Variants in PHF21B observed in about 807,000 individuals in gnomAD.
PHF21B encodes PHD finger protein 4.
Under a neutral mutation model 62.2 loss-of-function variants are expected in PHF21B, and 22 were observed. The ratio of observed to expected loss-of-function variants is 0.35; its 90% confidence interval spans 0.25 to 0.51. The LOEUF (loss-of-function observed/expected upper bound fraction) is 0.51. PHF21B is among the 20% of genes least tolerant of loss of function. The probability of loss-of-function intolerance (pLI) is 0.97; values close to 1 mark genes in which losing one functional copy is unlikely to be tolerated. For synonymous variants in PHF21B, 341 were observed against 314.7 expected (o/e 1.08, Z -0.88); for missense variants, 701 against 707.9 (o/e 0.99, Z 0.11).
intron 2 of PHF21B, among the ~76,000 whole-genome samples, chr22:44,944,938 T>C (rs1256047091): frequency 6.6e-6 from 1 of 152,266 alleles, no homozygotes; most frequent in Non-Finnish European, 1.5e-5. Context: ...GCCGCAGTCC[T>C]GAGCCTTCGT....
intron 2 of PHF21B, among the ~76,000 whole-genome samples, chr22:44,983,604 CT>C (rs1047194163): frequency 1.3e-5 from 2 of 152,156 alleles, no homozygotes; most frequent in African/African-American, 4.8e-5. Context: ...ATCTTCTGTA[CT>C]TTTTGTATTT....
chr22:44,970,370 G>A (rs540584313), intron 2 of PHF21B, among the ~76,000 whole-genome samples: 1 of 152,310 alleles, frequency 6.6e-6, no homozygotes, highest in Admixed American at 6.5e-5. Context: ...GCAGATGCTG[G>A]TCAAGCACAG....
intron 2 of PHF21B, among the ~76,000 whole-genome samples, chr22:44,940,656 A>G (rs111707468): frequency 0.021 from 3,164 of 152,314 alleles, 48 homozygotes; most frequent in Middle Eastern, 0.041. Context: ...ACAAATAAAA[A>G]TAACTGGGAG....
At chr22:44,904,899 T>C (rs369034101) in intron 5 of PHF21B, among the ~76,000 whole-genome samples, 17 of 152,292 alleles carry the variant, frequency 1.1e-4, no homozygotes, top group African/African-American at 2.6e-4. Flanking sequence ...AGTCTGCAGA[T>C]ATTTATTGCT....
At position 44,916,478 on chromosome 22, in the gene PHF21B, A is replaced by G. The variant is rs377734273; in HGVS notation, c.366T>C (p.His122=). 2.4e-5 allele frequency: 37 copies of G among 1,530,308 alleles called. No homozygotes were observed. Among genetic ancestry groups the G allele is most frequent in the Admixed American group, 3.5e-5 (2 of 57,362 alleles). 94.8% of individuals were successfully genotyped at this position (1,530,308 alleles called of 1,614,324 possible). A position where few individuals can be genotyped will look rare whatever the true frequency, so the allele number is the denominator to read the frequency against. ...GGGGCTGGCTGCCGGGCGCTGGCAC[A>G]TGGCTGACAGTGTTGTTGGCGGTGG... ...ALPTANNTVS[H]VPAPGSQPQA... The change falls in exon 4 of 13, where the codon CAT becomes CAC. Residue 122 remains histidine (H), a synonymous_variant. Coordinates refer to ENST00000313237, the MANE Select transcript of PHF21B (RefSeq NM_138415.5).
At chr22:44,932,784 G>A (rs2071767295) in intron 2 of PHF21B, among the ~76,000 whole-genome samples, 1 of 152,238 alleles carries the variant, frequency 6.6e-6, no homozygotes, top group South Asian at 2.1e-4. Flanking sequence ...GGTGTGGGCA[G>A]GGATGCAAGG....
rs1187900823 is a variant in PHF21B at position 45,009,635 on chromosome 22, G to A, written c.-86C>T. On this transcript the variant is annotated 5_prime_UTR_variant, in exon 1 of 13. Coordinates refer to ENST00000313237, the MANE Select transcript of PHF21B (RefSeq NM_138415.5). This position sits in a 1 kb window ranked among gnomAD's most constrained non-coding sequence, Gnocchi z 5.9. The stretch of plus-strand genomic sequence containing the variant: ...GCTCCGCGGGGGCCAGAGCGGGCGC[G>A]GGCGGACGCGGCCTCCGGGCTGGGT... The A allele has an allele frequency of 3.0e-6, 4 of 1,348,780 alleles. No individual in the cohort carries two copies. Among genetic ancestry groups the A allele is most frequent in the Non-Finnish European group, 2.9e-6 (3 of 1,033,466 alleles). The allele number at this position is 1,348,780 out of a possible 1,614,324, so 83.6% of individuals were successfully genotyped here. A position where few individuals can be genotyped will look rare whatever the true frequency, so the allele number is the denominator to read the frequency against.
At chr22:44,962,931 C>T (rs566016716) in intron 2 of PHF21B, among the ~76,000 whole-genome samples, 1 of 152,340 alleles carries the variant, frequency 6.6e-6, no homozygotes, top group Admixed American at 6.5e-5. Context: ...TTCCAAGCAC[C>T]ATGATGATAA....
intron 2 of PHF21B, among the ~76,000 whole-genome samples, chr22:44,932,493 G>T (rs2071761742): frequency 6.6e-6 from 1 of 152,178 alleles, no homozygotes; most frequent in African/African-American, 2.4e-5. Flanking sequence ...CCAATCGATG[G>T]TAGTGCCTCT....
chr22:44,981,404 T>C (rs922376486), intron 2 of PHF21B, among the ~76,000 whole-genome samples: 1 of 152,254 alleles, frequency 6.6e-6, no homozygotes, highest in African/African-American at 2.4e-5. Context: ...TGGAGTTTAC[T>C]GATCTGTCTG....
chr22:44,901,154 C>A (rs1276779146), intron 5 of PHF21B, among the ~76,000 whole-genome samples: 2 of 152,202 alleles, frequency 1.3e-5, no homozygotes, highest in East Asian at 3.9e-4. Flanking sequence ...CAGTACCAGT[C>A]TGGCAGCAGT....
At position 45,008,562 on chromosome 22, in the gene PHF21B, C is replaced by T. The variant is rs748234966; in HGVS notation, c.103G>A (p.Ala35Thr). The T allele has an allele frequency of 3.8e-6, 6 of 1,585,428 alleles. No individual in the cohort carries two copies. Among genetic ancestry groups the T allele is most frequent in the East Asian group, 4.6e-5 (2 of 43,648 alleles). The part of the protein sequence containing the change: ...QLHERQPRIA[A>T]LSDKQALGTI... The stretch of plus-strand genomic sequence containing the variant: ...TCGCTTACTTGTTTGTCGCTGAGCG[C>T]GGCGATCCGCGGCTGCCTTTCGTGG... Residue 35 changes from alanine (A) to threonine (T), a missense_variant, in exon 2 of 13, where the codon GCG becomes ACG. By Grantham distance (58) the Ala-to-Thr change is moderately conservative. Coordinates refer to ENST00000313237, the MANE Select transcript of PHF21B (RefSeq NM_138415.5).
At chr22:44,921,358 TC>T (rs1293519829) in intron 2 of PHF21B, among the ~76,000 whole-genome samples, 1 of 110,528 alleles carries the variant, frequency 9.0e-6, no homozygotes, top group Non-Finnish European at 1.8e-5. Flanking sequence ...CCGGAACAGT[TC>T]TTTTTTTTTT....
rs575165433 is a variant in PHF21B, at chr22:44,992,478, C to T, written c.120+16067G>A. Among the ~76,000 whole-genome samples, 12 of 152,372 alleles carry T rather than the reference C, an allele frequency of 7.9e-5. No homozygotes were observed. The South Asian group carries it at 2.5e-3, about 32-fold the overall frequency. The stretch of plus-strand genomic sequence containing the variant: ...TGCTCCACCGCTGGCTGATGCCAAG[C>T]ACAGCAGGTGACTGTCAAGCACGTC... On this transcript the variant is annotated intron_variant, in intron 2 of 12. Transcript: ENST00000313237.
At chr22:44,969,241 C>G (rs978447290) in intron 2 of PHF21B, 3 of 152,232 alleles carry the variant, frequency 2.0e-5, no homozygotes, top group African/African-American at 7.2e-5. Flanking sequence ...AAAGGACACC[C>G]CAAAGCCAGC....
intron 2 of PHF21B, among the ~76,000 whole-genome samples, chr22:44,992,002 C>T (rs1470079714): frequency 3.3e-5 from 5 of 152,338 alleles, no homozygotes; most frequent in African/African-American, 7.2e-5. Flanking sequence ...CAGACCCGGA[C>T]GTTGGGGGAG....
intron 2 of PHF21B, among the ~76,000 whole-genome samples, chr22:44,932,725 G>A (rs913492231): frequency 3.9e-4 from 59 of 152,240 alleles, no homozygotes; most frequent in African/African-American, 1.1e-3. Flanking sequence ...TGCCGATGAC[G>A]GCCCAGCAGG....
intron 5 of PHF21B, among the ~76,000 whole-genome samples, chr22:44,899,245 T>C (rs960081863): frequency 6.6e-6 from 1 of 152,042 alleles, no homozygotes; most frequent in African/African-American, 2.4e-5. Context: ...ATTATTAAGT[T>C]TTCCTACTTA....
At chr22:44,936,985 C>T (rs555537799) in intron 2 of PHF21B, among the ~76,000 whole-genome samples, 1 of 151,974 alleles carries the variant, frequency 6.6e-6, no homozygotes, top group South Asian at 2.1e-4. Flanking sequence ...CTGCCTCAGC[C>T]TCCTGAGTAG....
Sources: gnomAD v4.1 joint callset for allele counts (sites outside exome capture counted in the v4.1 genomes callset) on GRCh38, gnomAD v4.1.1 for gene constraint, Gnocchi (gnomAD v3.1) non-coding constraint, MANE v1.5 for transcripts, NCBI Gene and HGNC (gene_info 2026-07-23, HGNC 2026-07-21) for gene names.